Variants in PRELID2 observed in about 807,000 individuals in gnomAD.
PRELID2 encodes the protein PRELI domain containing 2.
A neutral mutation model predicts 28.4 loss-of-function variants in PRELID2; 25 were observed. The ratio of observed to expected loss-of-function variants is 0.88; its 90% confidence interval spans 0.64 to 1.23. PRELID2 has a LOEUF of 1.23. PRELID2 is among the 50% of genes most tolerant of loss of function. The probability of loss-of-function intolerance (pLI) is 0.00; values close to 1 mark genes in which losing one functional copy is unlikely to be tolerated. For missense variants in PRELID2, 201 were observed against 214.4 expected (o/e 0.94, Z 0.39); for synonymous variants, 76 against 71.6 (o/e 1.06, Z -0.31).
In PRELID2 at chr5:145,646,152, G is replaced by A. The variant is rs114537389; in HGVS notation, n.70+118779C>T. 9.9e-3 allele frequency among the ~76,000 whole-genome samples: 1,502 copies of A among 152,264 alleles called. 26 individuals are homozygous for A. The highest frequency in any genetic ancestry group is 0.033 in the African/African-American group (1,385 of 41,554). On this transcript the variant is annotated intron_variant and non_coding_transcript_variant, in intron 1 of 2. Transcript: ENST00000510259. Reference sequence around the variant, plus strand: ...TTTCCAACTTGGTTCCATACTCCCAGTCACTTTTAGGTACACCATTCAAAC... The same window carrying A: ...TTTCCAACTTGGTTCCATACTCCCAATCACTTTTAGGTACACCATTCAAAC...
At chr5:145,583,452 A>T (rs1580984481) in intron 1 of PRELID2, among the ~76,000 whole-genome samples, 1 of 152,166 alleles carries the variant, frequency 6.6e-6, no homozygotes. Context: ...GCAATTAGGC[A>T]AGAAAAAGAA....
chr5:145,446,492 A>G, the PRELID2 span, among the ~76,000 whole-genome samples: 1 of 152,092 alleles, frequency 6.6e-6, no homozygotes, highest in Non-Finnish European at 1.5e-5. Context: ...GGAGTAGTAG[A>G]AACCTTAAGA....
intron 1 of PRELID2, among the ~76,000 whole-genome samples, chr5:145,674,764 T>C (rs773602285): frequency 1.3e-5 from 2 of 152,114 alleles, no homozygotes; most frequent in Non-Finnish European, 2.9e-5. Flanking sequence ...CTGGCCAATA[T>C]GCTGAAACCC....
At chr5:145,721,139 G>GTT (rs2149717378) in intron 1 of PRELID2, among the ~76,000 whole-genome samples, 1 of 152,136 alleles carries the variant, frequency 6.6e-6, no homozygotes, top group South Asian at 2.1e-4. Flanking sequence ...TTTCATATGT[G>GTT]TTTCACACTT....
chr5:145,654,278 G>C (rs1012082059), intron 1 of PRELID2, among the ~76,000 whole-genome samples: 12 of 152,140 alleles, frequency 7.9e-5, no homozygotes, highest in Non-Finnish European at 1.5e-4. Context: ...GCCAAAAAAA[G>C]TCCAGGATAG....
chr5:145,568,109 A>C (rs1483051344), intron 1 of PRELID2, among the ~76,000 whole-genome samples: 1 of 152,188 alleles, frequency 6.6e-6, no homozygotes, highest in South Asian at 2.1e-4. Flanking sequence ...GTTCCTCCCA[A>C]AGACCAAAAA....
At chr5:145,355,100 A>C in the PRELID2 span, among the ~76,000 whole-genome samples, 1 of 152,154 alleles carries the variant, frequency 6.6e-6, no homozygotes, top group Non-Finnish European at 1.5e-5. Flanking sequence ...TTTTAAGATA[A>C]ACTACTTAGT....
chr5:145,810,996 G>A (rs559645222), intron 4 of PRELID2, among the ~76,000 whole-genome samples: 7 of 141,866 alleles, frequency 4.9e-5, no homozygotes, highest in African/African-American at 1.8e-4. Flanking sequence ...AAAGGAAAGC[G>A]GTTTAATGGA....
intron 1 of PRELID2, among the ~76,000 whole-genome samples, chr5:145,739,011 G>T (rs1417376092): frequency 6.6e-6 from 1 of 152,104 alleles, no homozygotes; most frequent in Non-Finnish European, 1.5e-5. Context: ...GAGGCTACAG[G>T]AAGTGGCAAA....
At chr5:145,643,516 C>G (rs1327769847) in intron 1 of PRELID2, among the ~76,000 whole-genome samples, 1 of 152,148 alleles carries the variant, frequency 6.6e-6, no homozygotes, top group Non-Finnish European at 1.5e-5. Context: ...CTTTCTCTTG[C>G]CTGATTGCCC....
intron 1 of PRELID2, among the ~76,000 whole-genome samples, chr5:145,654,471 C>T (rs1039897702): frequency 2.0e-5 from 3 of 152,160 alleles, no homozygotes; most frequent in Non-Finnish European, 2.9e-5. Flanking sequence ...ACCAATATCC[C>T]TGATGAACAT....
the PRELID2 span, among the ~76,000 whole-genome samples, chr5:145,401,803 G>A: frequency 6.6e-6 from 1 of 152,152 alleles, no homozygotes; most frequent in Admixed American, 6.5e-5. Context: ...TCTATGCATG[G>A]CATTCTGCTA....
At chr5:145,694,721 A>C (rs13175943) in intron 1 of PRELID2, among the ~76,000 whole-genome samples, 3,835 of 152,228 alleles carry the variant, frequency 0.025, 82 homozygotes, top group South Asian at 0.041. Flanking sequence ...ATTTTTAGTG[A>C]CTACTGTGTG....
At chr5:145,377,689 C>T in the PRELID2 span, among the ~76,000 whole-genome samples, 1 of 151,914 alleles carries the variant, frequency 6.6e-6, no homozygotes, top group Admixed American at 6.6e-5. Context: ...ATTGCAACCC[C>T]GTTTTCTTGG....
intron 4 of PRELID2, among the ~76,000 whole-genome samples, chr5:145,814,969 C>G (rs1754197362): frequency 6.6e-6 from 1 of 152,224 alleles, no homozygotes; most frequent in African/African-American, 2.4e-5. Flanking sequence ...GTGACAGAAT[C>G]TGTATGTTAC....
chr5:145,471,656 C>G (rs759153784), downstream of PRELID2: 63 of 152,050 alleles, frequency 4.1e-4, no homozygotes, highest in African/African-American at 1.4e-3. Context: ...TCTTGCCTAT[C>G]GGTGTATATA....
the PRELID2 span, among the ~76,000 whole-genome samples, chr5:145,393,049 C>A: frequency 3.9e-5 from 6 of 152,174 alleles, no homozygotes; most frequent in African/African-American, 1.4e-4. Flanking sequence ...AACTTCTCAC[C>A]AAGAGGAGCT....
At chr5:145,354,637 A>G in the PRELID2 span, among the ~76,000 whole-genome samples, 1 of 152,164 alleles carries the variant, frequency 6.6e-6, no homozygotes, top group Non-Finnish European at 1.5e-5. Context: ...TTCATATTTA[A>G]CTTTTAAAAC....
intron 4 of PRELID2, among the ~76,000 whole-genome samples, chr5:145,801,768 C>G (rs942502462): frequency 6.6e-6 from 1 of 152,160 alleles, no homozygotes; most frequent in Non-Finnish European, 1.5e-5. Flanking sequence ...TTCTAGTGCA[C>G]GAGATTAGAA....
Sources: gnomAD v4.1 joint callset for allele counts (sites outside exome capture counted in the v4.1 genomes callset) on GRCh38, gnomAD v4.1.1 for gene constraint, MANE v1.5 for transcripts, NCBI Gene and HGNC (gene_info 2026-07-23, HGNC 2026-07-21) for gene names.